The following TET2 variants were observed in gnomAD, a reference collection of about 807,000 sequenced individuals.
TET2 encodes tet methylcytosine dioxygenase 2, also known as methylcytosine dioxygenase TET2.
Under a neutral mutation model 142.9 loss-of-function variants are expected in TET2, and 299 were observed. The observed-to-expected ratio is 2.09, with a 90% confidence interval of 1.90 to 2.30. The LOEUF (loss-of-function observed/expected upper bound fraction) is 2.30. Among genes scored for constraint, TET2 ranks in the 30% most tolerant of loss-of-function variants. The probability of loss-of-function intolerance (pLI) is 0.00; values close to 1 mark genes in which losing one functional copy is unlikely to be tolerated. For missense variants in TET2, 2,418 were observed against 2,378.0 expected, an observed-to-expected ratio of 1.02 and a Z score of -0.35; for synonymous variants, 819 against 849.0, an observed-to-expected ratio of 0.96 and a Z score of 0.61.
intron 4 of TET2, chr4:105,242,568 C>T (rs559329461): frequency 4.1e-5 from 49 of 1,188,426 alleles, no homozygotes; most frequent in African/African-American, 9.5e-5. Flanking sequence ...AATTTTATAT[C>T]GAAATGAGCT....
At chr4:105,173,814 C>T (rs1268021335) in intron 1 of TET2, among the ~76,000 whole-genome samples, 1 of 151,972 alleles carries the variant, frequency 6.6e-6, no homozygotes, top group Non-Finnish European at 1.5e-5. Flanking sequence ...AACAAAGTGA[C>T]ATATAAACAA....
intron 2 of TET2, among the ~76,000 whole-genome samples, chr4:105,191,654 A>G (rs1290894037): frequency 1.3e-5 from 2 of 152,182 alleles, no homozygotes; most frequent in Non-Finnish European, 2.9e-5. Context: ...GGATATAAGT[A>G]TCCACTCTGC....
intron 8 of TET2, among the ~76,000 whole-genome samples, chr4:105,264,501 T>C (rs893051563): frequency 6.6e-6 from 1 of 152,198 alleles, no homozygotes; most frequent in Non-Finnish European, 1.5e-5. Context: ...ATTCTTATTA[T>C]GGACCGTCTC....
At chr4:105,187,378 A>G (rs1200379232) in intron 1 of TET2, among the ~76,000 whole-genome samples, 12 of 152,186 alleles carry the variant, frequency 7.9e-5, no homozygotes, top group African/African-American at 2.9e-4. Flanking sequence ...ACCCTCTTCT[A>G]ATCTTAATAA....
chr4:105,247,723 T>C (rs866090309), intron 6 of TET2, among the ~76,000 whole-genome samples: 1,724 of 135,280 alleles, frequency 0.013, 23 homozygotes, highest in African/African-American at 0.044. Context: ...TCTTTTTTTT[T>C]TTTTTTTTTT....
At chr4:105,165,482 GA>G (rs1724105473) in intron 1 of TET2, among the ~76,000 whole-genome samples, 1 of 152,212 alleles carries the variant, frequency 6.6e-6, no homozygotes, top group Non-Finnish European at 1.5e-5. Context: ...AGGCCCATGT[GA>G]AAGATGTTTT....
intron 1 of TET2, among the ~76,000 whole-genome samples, chr4:105,172,935 A>T (rs1380314171): frequency 1.3e-5 from 2 of 152,202 alleles, no homozygotes; most frequent in Non-Finnish European, 2.9e-5. Flanking sequence ...GCTTTTTCCA[A>T]GTTGGCTATG....
rs576761758 is a variant in TET2, at chr4:105,275,210, A to G, written c.4700A>G (p.Asn1567Ser). The part of the protein sequence containing the change: ...VNSYSASGST[N>S]PYMRRPNPVS... ...TCTTATTCTGCTTCTGGATCCACCA[A>G]TCCATACATGAGACGGCCCAATCCA... The change falls in exon 11 of 11, where the codon AAT becomes AGT. Residue 1567 changes from asparagine (N) to serine (S), a missense_variant. Coordinates refer to ENST00000380013, the MANE Select transcript of TET2 (RefSeq NM_001127208.3). 7.7e-6 allele frequency: 12 copies of G among 1,552,186 alleles called. No homozygotes were observed. Among genetic ancestry groups the G allele is most frequent in the South Asian group, 3.6e-5 (3 of 84,052 alleles).
chr4:105,242,880 A>G lies in TET2; in HGVS notation c.3547A>G (p.Thr1183Ala), dbSNP rs1729379471. 6.4e-7 allele frequency: 1 copy of G among 1,551,530 alleles called. No homozygotes were observed. Among genetic ancestry groups the G allele is most frequent in the East Asian group, 2.4e-5 (1 of 40,844 alleles). ...KAIRIERVIY[T>A]GKEGKSSQGC... ...TATTAGGATTGAAAGAGTCATCTATACTGGTAAAGAAGGCAAAAGTTCTCA... is the reference window on the plus strand; with the variant it reads ...TATTAGGATTGAAAGAGTCATCTATGCTGGTAAAGAAGGCAAAAGTTCTCA... The change falls in exon 5 of 11, where the codon ACT (threonine) becomes GCT (alanine). Residue 1183 changes from threonine to alanine, a missense_variant. By Grantham distance (58) the Thr-to-Ala change is moderately conservative (BLOSUM62 0). Coordinates refer to ENST00000380013, the MANE Select transcript of TET2 (RefSeq NM_001127208.3).
At chr4:105,244,216 CA>C (rs1471227825) in intron 6 of TET2, among the ~76,000 whole-genome samples, 3 of 152,122 alleles carry the variant, frequency 2.0e-5, no homozygotes, top group Admixed American at 2.0e-4. Context: ...GTAGCAAAAA[CA>C]AAATACAAAG....
intron 2 of TET2, among the ~76,000 whole-genome samples, chr4:105,229,190 C>T (rs1424758401): frequency 6.6e-6 from 1 of 152,072 alleles, no homozygotes; most frequent in African/African-American, 2.4e-5. Flanking sequence ...TTTAAGGGCT[C>T]AATAGCTATA....
intron 2 of TET2, among the ~76,000 whole-genome samples, chr4:105,193,626 G>A (rs1396667632): frequency 6.6e-6 from 1 of 152,088 alleles, no homozygotes; most frequent in Non-Finnish European, 1.5e-5. Context: ...AAAATCATGA[G>A]GATTTATTTG....
At chr4:105,159,421 A>G (rs1723732602) in intron 1 of TET2, among the ~76,000 whole-genome samples, 1 of 151,792 alleles carries the variant, frequency 6.6e-6, no homozygotes, top group Non-Finnish European at 1.5e-5. Context: ...ACGCCCGGCT[A>G]ATTTTGTATT....
chr4:105,205,795 C>T (rs1415311445), intron 2 of TET2, among the ~76,000 whole-genome samples: 2 of 152,074 alleles, frequency 1.3e-5, no homozygotes, highest in Non-Finnish European at 1.5e-5. Flanking sequence ...CCACTCCTGG[C>T]TAATTTTTTT....
rs543954320 is a variant in TET2 at position 105,255,811 on chromosome 4, T to C, written c.3804-3808T>C. Among the ~76,000 whole-genome samples the C allele has an allele frequency of 1.1e-4, 16 of 152,060 alleles. 1 individual carries two copies. The highest frequency in any genetic ancestry group is 3.3e-4 in the Admixed American group (5 of 15,256). ...ATTTATATACATTTAACATAATTAT[T>C]GATAAGGTAGGATTTGTCTGCCATT... On this transcript the variant is annotated intron_variant, in intron 6 of 10. Coordinates refer to ENST00000380013, the MANE Select transcript of TET2 (RefSeq NM_001127208.3).
In TET2 at chr4:105,279,194, T is replaced by G. The variant is rs528444602; in HGVS notation, c.*2675T>G. ...AAACATTTGATTACTACATGTGCAT[T>G]GGTGATTTTGATCATCCATTCTTAA... On this transcript the variant is annotated 3_prime_UTR_variant, in exon 11 of 11. Coordinates refer to ENST00000380013, the MANE Select transcript of TET2 (RefSeq NM_001127208.3). 2 of 232,330 alleles carry G rather than the reference T, an allele frequency of 8.6e-6. No individual in the cohort carries two copies. The highest frequency in any genetic ancestry group is 4.4e-5 in the African/African-American group (2 of 45,310). 14.4% of individuals were successfully genotyped at this position (232,330 alleles called of 1,614,324 possible). A position where few individuals can be genotyped will look rare whatever the true frequency, so the allele number is the denominator to read the frequency against.
chr4:105,244,266 C>G (rs1374381825), intron 6 of TET2, among the ~76,000 whole-genome samples: 1 of 152,200 alleles, frequency 6.6e-6, no homozygotes, highest in Non-Finnish European at 1.5e-5. Context: ...TTTTTACTTT[C>G]ATTCAAACTA....
rs1729003385 is a variant in TET2 at position 105,237,231 on chromosome 4, G to A, written c.3289G>A (p.Ala1097Thr). 6.2e-7 allele frequency: 1 copy of A among 1,614,056 alleles called. No homozygotes were observed. Among genetic ancestry groups the A allele is most frequent in the African/African-American group, 1.3e-5 (1 of 74,998 alleles). ...AGAAAAGACACCAACCAAAAGAACA[G>A]CTGCTTCTGTTCTCAATAATTTTAT... Reference protein sequence around the residue: ...SSEKTPTKRTAASVLNNFIES... With the variant: ...SSEKTPTKRTTASVLNNFIES... Residue 1097 changes from alanine to threonine, a missense_variant, in exon 3 of 11, where the codon GCT becomes ACT. Physicochemically the swap from Ala to Thr is moderately conservative, Grantham distance 58. Coordinates refer to ENST00000380013, the MANE Select transcript of TET2 (RefSeq NM_001127208.3).
At chr4:105,177,306 G>A (rs1219076051) in intron 1 of TET2, among the ~76,000 whole-genome samples, 1 of 152,182 alleles carries the variant, frequency 6.6e-6, no homozygotes, top group Non-Finnish European at 1.5e-5. Flanking sequence ...TAAAACTTCT[G>A]CTCTGTGAAA....
Sources: allele counts gnomAD v4.1 joint callset (sites outside exome capture counted in the v4.1 genomes callset), GRCh38; gene constraint gnomAD v4.1.1; transcripts MANE v1.5; gene names NCBI Gene and HGNC (gene_info 2026-07-23, HGNC 2026-07-21).